PALM: variants seen among roughly 807,000 people sequenced by gnomAD.
PALM encodes the protein paralemmin.
In PALM, 18 loss-of-function variants were observed where a neutral mutation model predicts 30.7. That is an observed-to-expected ratio of 0.59 (90% CI 0.41 to 0.87). The LOEUF (loss-of-function observed/expected upper bound fraction) is 0.87, where lower values mean the gene tolerates loss of function less well. Ranked by LOEUF, PALM falls within the 40% of genes least tolerant of loss-of-function variation. PALM has a pLI of 0.00. For synonymous variants in PALM, 286 were observed against 242.8 expected (o/e 1.18, Z -1.66); for missense variants, 529 against 555.4 (o/e 0.95, Z 0.48).
At chr19:728,983 A>G (rs4919888) in intron 4 of PALM, among the ~76,000 whole-genome samples, 80,492 of 151,384 alleles carry the variant, frequency 0.53, 21,647 homozygotes, top group African/African-American at 0.62. Context: ...TGGCCTGGGC[A>G]ACAGAGTGAG....
chr19:731,144 A>T lies in PALM; in HGVS notation c.319A>T (p.Thr107Ser). The change falls in exon 5 of 9, where the codon ACT becomes TCT. Residue 107 changes from threonine to serine, a missense_variant. Thr to Ser is a moderately conservative substitution (Grantham distance 58). Coordinates refer to ENST00000338448, the MANE Select transcript of PALM (RefSeq NM_002579.3). ...GGAGCGTGGAGACTCCGCCCCAGCCACTGCCAAGGAGAACGCGGCGGCCCC... is the reference window on the plus strand; with the variant it reads ...GGAGCGTGGAGACTCCGCCCCAGCCTCTGCCAAGGAGAACGCGGCGGCCCC... The part of the protein sequence containing the change: ...VLERGDSAPA[T>S]AKENAAAPSP... 6.2e-7 allele frequency: 1 copy of T among 1,604,368 alleles called. No individual in the cohort carries two copies. Among genetic ancestry groups the T allele is most frequent in the Non-Finnish European group, 8.5e-7 (1 of 1,175,766 alleles).
At chr19:719,161 C>G in intron 1 of PALM, 1 of 985,334 alleles carries the variant, frequency 1.0e-6, no homozygotes, top group Non-Finnish European at 1.2e-6. Context: ...GCTGCCCGGG[C>G]GTGGGTTCTG....
At chr19:711,456 C>G (rs1032011814) in intron 1 of PALM, among the ~76,000 whole-genome samples, 2 of 152,294 alleles carry the variant, frequency 1.3e-5, no homozygotes, top group South Asian at 2.1e-4. Context: ...CCTCCCTGCT[C>G]GCAGACCTGG....
intron 4 of PALM, among the ~76,000 whole-genome samples, chr19:728,717 A>C (rs1244795579): frequency 1.3e-5 from 2 of 151,814 alleles, no homozygotes. Flanking sequence ...GCTGAGGCAG[A>C]AGAAGGCCAG....
At chr19:728,573 C>T (rs994793918) in intron 4 of PALM, among the ~76,000 whole-genome samples, 13 of 152,126 alleles carry the variant, frequency 8.5e-5, no homozygotes, top group African/African-American at 3.1e-4. Context: ...TTTGGGAAGC[C>T]GAGGCAGGAG....
chr19:721,125 G>A (rs553224108), intron 1 of PALM, among the ~76,000 whole-genome samples: 2 of 152,316 alleles, frequency 1.3e-5, no homozygotes, highest in South Asian at 2.1e-4. Flanking sequence ...TGGGGTAGGA[G>A]GCTTGGTGCA....
At chr19:721,929 T>C (rs1342976454) in intron 1 of PALM, among the ~76,000 whole-genome samples, 1 of 150,238 alleles carries the variant, frequency 6.7e-6, no homozygotes, top group African/African-American at 2.5e-5. Context: ...TTTTAATATA[T>C]ATTTTTTGAG....
chr19:731,656 G>A (rs980785984), intron 5 of PALM, among the ~76,000 whole-genome samples: 3 of 146,632 alleles, frequency 2.0e-5, no homozygotes, highest in African/African-American at 5.0e-5. Flanking sequence ...GTGCTGGTGG[G>A]TGTGGTCATA....
chr19:736,738 G>A (rs1354977352), intron 7 of PALM, among the ~76,000 whole-genome samples: 2 of 152,186 alleles, frequency 1.3e-5, no homozygotes, highest in Admixed American at 6.5e-5. Flanking sequence ...CTATGTGAGT[G>A]AGCTGGAACA....
At chr19:738,320 A>T (rs1302665391) in intron 7 of PALM, among the ~76,000 whole-genome samples, 1 of 152,028 alleles carries the variant, frequency 6.6e-6, no homozygotes, top group East Asian at 1.9e-4. Context: ...AGGTCAGGAG[A>T]TCGAGACCAT....
intron 7 of PALM, among the ~76,000 whole-genome samples, chr19:739,730 C>T (rs2033131523): frequency 6.6e-6 from 1 of 152,040 alleles, no homozygotes; most frequent in Non-Finnish European, 1.5e-5. Context: ...AATCCCAGCA[C>T]TTTGGGAGGC....
chr19:746,935 C>T lies in PALM; in HGVS notation c.*121C>T, dbSNP rs2033366691. ...GGGTCCAGGACTTGGCGTGTTGTTA[C>T]ATGTTCCTTCCGAGTTTTCTTTCGC... On this transcript the variant is annotated 3_prime_UTR_variant, in exon 9 of 9. Coordinates refer to ENST00000338448, the MANE Select transcript of PALM (RefSeq NM_002579.3). This position sits in a 1 kb window ranked among gnomAD's most constrained non-coding sequence, Gnocchi z 7.1. 7.7e-6 allele frequency: 5 copies of T among 651,984 alleles called. No homozygotes were observed. The highest frequency in any genetic ancestry group is 3.9e-5 in the South Asian group (2 of 51,344). 40.4% of individuals were successfully genotyped at this position (651,984 alleles called of 1,614,324 possible).
intron 2 of PALM, among the ~76,000 whole-genome samples, chr19:726,793 G>A (rs999703084): frequency 2.6e-5 from 4 of 152,238 alleles, no homozygotes; most frequent in Non-Finnish European, 5.9e-5. Context: ...GTGAGCCACC[G>A]TGCCCGGCCA....
At chr19:725,420 G>A (rs1055111437) in intron 1 of PALM, among the ~76,000 whole-genome samples, 2 of 152,120 alleles carry the variant, frequency 1.3e-5, no homozygotes, top group African/African-American at 4.8e-5. Context: ...AATTAGCCGG[G>A]CGTGGTGGCA....
chr19:724,810 G>A (rs1054593634), intron 1 of PALM, among the ~76,000 whole-genome samples: 4 of 151,892 alleles, frequency 2.6e-5, no homozygotes, highest in African/African-American at 9.7e-5. Flanking sequence ...TTTTGGTAGA[G>A]ATGGGGTCTT....
chr19:714,211 A>G (rs2032179843), intron 1 of PALM, among the ~76,000 whole-genome samples: 1 of 120,978 alleles, frequency 8.3e-6, no homozygotes. Context: ...GGCTTGTTGT[A>G]TATTTTTTAG....
intron 8 of PALM, among the ~76,000 whole-genome samples, chr19:744,624 T>C (rs1297891838): frequency 1.3e-5 from 2 of 152,312 alleles, no homozygotes; most frequent in South Asian, 2.1e-4. Flanking sequence ...CCAGGCATGG[T>C]GGCTCACACC....
intron 4 of PALM, among the ~76,000 whole-genome samples, chr19:728,048 C>T (rs1438518321): frequency 2.8e-5 from 4 of 143,296 alleles, no homozygotes; most frequent in African/African-American, 1.1e-4. Context: ...CTCGTGGGTC[C>T]CTGGAGCTGG....
At chr19:728,220 G>C (rs57806474) in intron 4 of PALM, among the ~76,000 whole-genome samples, 3 of 152,320 alleles carry the variant, frequency 2.0e-5, no homozygotes, top group East Asian at 1.9e-4. Flanking sequence ...CAATCCCTGT[G>C]GGGGCTGGGA....
Sources: gnomAD v4.1 joint callset for allele counts (sites outside exome capture counted in the v4.1 genomes callset) on GRCh38, gnomAD v4.1.1 for gene constraint, Gnocchi (gnomAD v3.1) non-coding constraint, MANE v1.5 for transcripts, NCBI Gene and HGNC (gene_info 2026-07-23, HGNC 2026-07-21) for gene names.